The following ZDHHC11 variants were observed in gnomAD, a reference collection of about 807,000 sequenced individuals.
ZDHHC11 encodes palmitoyltransferase ZDHHC11.
ZDHHC11 carries 44 observed loss-of-function variants against 51.3 expected under a neutral mutation model. The ratio of observed to expected loss-of-function variants is 0.86; its 90% CI spans 0.67 to 1.10. The LOEUF is 1.10. ZDHHC11 is among the 50% of genes least tolerant of loss of function. The pLI, the probability that ZDHHC11 is intolerant of heterozygous loss-of-function variation, is 0.00. For synonymous variants in ZDHHC11, 163 were observed against 222.0 expected (o/e 0.73, Z 2.36); for missense variants, 400 against 537.7 (o/e 0.74, Z 2.53).
At chr5:852,222 T>C (rs1232111401), upstream of ZDHHC11, among the ~76,000 whole-genome samples, 3 of 152,286 alleles carry the variant, frequency 2.0e-5, no homozygotes, top group East Asian at 5.8e-4. Flanking sequence ...TGGTAAAACC[T>C]GGAATATCAA....
rs567719802 is a variant in ZDHHC11 at position 837,929 on chromosome 5, C to T, written c.785-449G>A. On this transcript the variant is annotated intron_variant, in intron 5 of 12. Coordinates refer to ENST00000283441, the MANE Select transcript of ZDHHC11 (RefSeq NM_024786.3). ...TCCAGATGGCCTGTGGGGTTCCCCA[C>T]ATCTGGACACTGGGTGGGGCGCACC... Among the ~76,000 whole-genome samples the T allele has an allele frequency of 1.2e-4, 18 of 152,078 alleles. 1 individual carries two copies. The highest frequency in any genetic ancestry group is 4.3e-4 in the African/African-American group (18 of 41,568).
chr5:840,969 G>A (rs1413553197), intron 4 of ZDHHC11: 3 of 1,332,860 alleles, frequency 2.3e-6, no homozygotes, highest in Non-Finnish European at 2.9e-6. Context: ...TAAGAGCCAG[G>A]GTCACAGCGC....
intron 4 of ZDHHC11, among the ~76,000 whole-genome samples, chr5:843,060 C>T (rs1270831838): frequency 4.6e-5 from 7 of 152,288 alleles, no homozygotes; most frequent in African/African-American, 1.4e-4. Flanking sequence ...GGCGTGGACT[C>T]GCCTCTGGAG....
At chr5:843,920 GGCATCTGA>G (rs1745593890) in intron 3 of ZDHHC11, among the ~76,000 whole-genome samples, 196 bp from the exon 4 acceptor site, 1 of 126,664 alleles carries the variant, frequency 7.9e-6, no homozygotes, top group African/African-American at 3.4e-5. Context: ...GGACACGCAG[GGCATCTGA>G]GGCAGGGGCG....
intron 4 of ZDHHC11, among the ~76,000 whole-genome samples, chr5:842,897 C>T (rs1326961660): frequency 6.6e-6 from 1 of 152,214 alleles, no homozygotes; most frequent in Non-Finnish European, 1.5e-5. Flanking sequence ...CACGAGGCCA[C>T]CTCCCCTCTG....
chr5:835,736 A>C (rs1230571897), intron 6 of ZDHHC11, among the ~76,000 whole-genome samples: 26 of 151,988 alleles, frequency 1.7e-4, no homozygotes, highest in Admixed American at 1.7e-3. Context: ...TGAATGCTGT[A>C]CACCTTTTCA....
chr5:800,726 G>A (rs544398905), intron 12 of ZDHHC11, among the ~76,000 whole-genome samples: 67 of 151,452 alleles, frequency 4.4e-4, no homozygotes, highest in African/African-American at 1.6e-3. Context: ...TACGGTCAGA[G>A]GCATCTAATC....
intron 6 of ZDHHC11, 133 bp downstream of exon 6, chr5:837,232 G>GAC: frequency 1.2e-5 from 12 of 991,198 alleles, no homozygotes; most frequent in Admixed American, 3.8e-5. Context: ...CTCACACACA[G>GAC]ACACACACAC....
intron 11 of ZDHHC11, among the ~76,000 whole-genome samples, chr5:808,732 C>CAAAAG (rs1460417819): frequency 6.9e-6 from 1 of 143,962 alleles, no homozygotes; most frequent in East Asian, 2.0e-4. Context: ...CAGTCTTGCT[C>CAAAAG]TGTCGCCCAG....
At chr5:813,990 TTTAG>T (rs1740432134) in intron 11 of ZDHHC11, among the ~76,000 whole-genome samples, 1 of 150,804 alleles carries the variant, frequency 6.6e-6, no homozygotes, top group South Asian at 2.1e-4. Context: ...TAGATGAAAC[TTTAG>T]TAGAGTGTAG....
intron 11 of ZDHHC11, among the ~76,000 whole-genome samples, chr5:802,504 G>A (rs1480782353): frequency 6.6e-6 from 1 of 150,988 alleles, no homozygotes; most frequent in African/African-American, 2.4e-5. Flanking sequence ...GTAAAAGTGT[G>A]TAAGTATGTA....
chr5:821,842 A>G lies in ZDHHC11; in HGVS notation c.1058+19T>C, dbSNP rs1741611735. On this transcript the variant is annotated intron_variant, in intron 9 of 12. Coordinates refer to ENST00000283441, the MANE Select transcript of ZDHHC11 (RefSeq NM_024786.3). Reference sequence around the variant, plus strand: ...TGTTACTAATAGATAAAATAATCCCATTAAACTTACAAACTCACCCAAGTG... The same window carrying G: ...TGTTACTAATAGATAAAATAATCCCGTTAAACTTACAAACTCACCCAAGTG... The G allele has an allele frequency of 6.3e-7, 1 of 1,597,382 alleles. No homozygotes were observed.
At chr5:858,915 G>A (rs1655056565) in exon 1 of ZDHHC11, among the ~76,000 whole-genome samples, 1 of 151,998 alleles carries the variant, frequency 6.6e-6, no homozygotes, top group African/African-American at 2.4e-5. Context: ...TCACATCACA[G>A]GTCCAGGCTG....
At position 814,778 on chromosome 5, in the gene ZDHHC11, C is replaced by T. The variant is rs1363665151; in HGVS notation, c.1164G>A (p.Pro388=). The change falls in exon 11 of 13, where the codon CCG becomes CCA. Residue 388 remains proline, a synonymous_variant. Coordinates refer to ENST00000283441, the MANE Select transcript of ZDHHC11 (RefSeq NM_024786.3). ...GSMAQEADDA[P]SISTLGLQQE... ...GAACTTACCCAAGTGTAGATATACTCGGGGCATCATCTGCTTCCTGTGGGG... is the reference window on the plus strand; with the variant it reads ...GAACTTACCCAAGTGTAGATATACTTGGGGCATCATCTGCTTCCTGTGGGG... 1.0e-5 allele frequency: 16 copies of T among 1,549,714 alleles called. 2 individuals carry two copies. The highest frequency in any genetic ancestry group is 6.9e-5 in the African/African-American group (5 of 72,276).
Position 850,968 on chromosome 5 carries a change from G to T in ZDHHC11, c.-366C>A. On this transcript the variant is annotated 5_prime_UTR_variant, in exon 1 of 13. The change creates a new upstream start codon in the 5' untranslated region. Transcript: ENST00000283441. ...GCTCGACAGCCCCCACACAGCGACA[G>T]GTCCCACAACCCGTTCACGAATACA... 1 of 342,386 alleles carries T rather than the reference G, an allele frequency of 2.9e-6. No individual in the cohort carries two copies. Among genetic ancestry groups the T allele is most frequent in the Non-Finnish European group, 5.4e-6 (1 of 186,134 alleles). The allele number at this position is 342,386 out of a possible 1,614,324, so 21.2% of individuals were successfully genotyped here.
intron 12 of ZDHHC11, among the ~76,000 whole-genome samples, chr5:797,101 G>T (rs1206613198): frequency 1.3e-5 from 2 of 151,128 alleles, no homozygotes; most frequent in Non-Finnish European, 3.0e-5. Flanking sequence ...CAGCTACTCA[G>T]GAAGCTGAGG....
intron 1 of ZDHHC11, among the ~76,000 whole-genome samples, chr5:856,277 A>C (rs1748226666): frequency 6.8e-6 from 1 of 147,576 alleles, no homozygotes; most frequent in South Asian, 2.1e-4. Context: ...AGAAACCACA[A>C]CACACAAAAC....
At chr5:820,245 T>C (rs1018486454) in intron 9 of ZDHHC11, among the ~76,000 whole-genome samples, 5 of 111,332 alleles carry the variant, frequency 4.5e-5, no homozygotes, top group East Asian at 4.9e-4. Context: ...TGAAGTGATA[T>C]TCAAGTGCTT....
At chr5:858,993 C>G (rs1430080199), upstream of ZDHHC11, among the ~76,000 whole-genome samples, 3 of 152,038 alleles carry the variant, frequency 2.0e-5, no homozygotes, top group African/African-American at 7.2e-5. Flanking sequence ...GTGGGCTGCC[C>G]TGGTCGACAC....
Sources: allele counts gnomAD v4.1 joint callset (sites outside exome capture counted in the v4.1 genomes callset), GRCh38; gene constraint gnomAD v4.1.1; transcripts MANE v1.5; gene names NCBI Gene and HGNC (gene_info 2026-07-23, HGNC 2026-07-21).